The following NVL variants were observed in gnomAD, a reference collection of about 807,000 sequenced individuals.
NVL encodes nuclear VCP like, also known as nuclear valosin-containing protein-like.
NVL carries 84 observed loss-of-function variants against 110.2 expected under a neutral mutation model. The ratio of observed to expected loss-of-function variants is 0.76; its 90% confidence interval spans 0.64 to 0.91. The LOEUF (loss-of-function observed/expected upper bound fraction) is 0.91, where lower values mean the gene tolerates loss of function less well. Ranked by LOEUF, NVL falls within the 40% of genes least tolerant of loss-of-function variation. The probability of loss-of-function intolerance (pLI) is 0.00; values close to 1 mark genes in which losing one functional copy is unlikely to be tolerated. For synonymous variants in NVL, 354 were observed against 361.1 expected, an observed-to-expected ratio of 0.98 and a Z score of 0.22; for missense variants, 882 against 1,035.9, an observed-to-expected ratio of 0.85 and a Z score of 2.04.
intron 17 of NVL, among the ~76,000 whole-genome samples, chr1:224,274,956 G>C (rs1159810983): frequency 6.6e-6 from 1 of 152,094 alleles, no homozygotes; most frequent in Non-Finnish European, 1.5e-5. Flanking sequence ...TTAATAACCT[G>C]ACCCTATTTT....
intron 1 of NVL, 49 bp downstream of exon 1, chr1:224,330,022 G>A (rs1271018972): frequency 6.3e-7 from 1 of 1,587,852 alleles, no homozygotes; most frequent in Admixed American, 1.7e-5. Flanking sequence ...TGGCACCCTG[G>A]GGCAGCGATC....
chr1:224,310,292 A>G (rs547745892), intron 5 of NVL, among the ~76,000 whole-genome samples: 1 of 152,244 alleles, frequency 6.6e-6, no homozygotes, highest in Non-Finnish European at 1.5e-5. Context: ...GAGGATGTAT[A>G]TAACGTTATA....
rs181038026 is a variant in NVL at position 224,296,917 on chromosome 1, T to C, written c.1063-299A>G. ...TCTTTTGTAAATTAGATACATTTGC[T>C]ATGCTATGAAACAGAAACAATGATT... On this transcript the variant is annotated intron_variant, in intron 10 of 22. Coordinates refer to ENST00000281701, the MANE Select transcript of NVL (RefSeq NM_002533.4). Among the ~76,000 whole-genome samples the C allele has an allele frequency of 5.1e-4, 77 of 152,286 alleles. 1 individual carries two copies. The highest frequency in any genetic ancestry group is 1.8e-3 in the African/African-American group (74 of 41,568).
intron 22 of NVL, among the ~76,000 whole-genome samples, chr1:224,228,239 A>T (rs1030344567): frequency 6.6e-6 from 1 of 152,096 alleles, no homozygotes; most frequent in African/African-American, 2.4e-5. Flanking sequence ...ATGTCTATCT[A>T]ATTAGTGAAG....
chr1:224,255,818 C>A (rs1032535698), intron 18 of NVL, among the ~76,000 whole-genome samples: 4 of 152,200 alleles, frequency 2.6e-5, no homozygotes, highest in Admixed American at 2.6e-4. Flanking sequence ...AAAAAAATTT[C>A]TCCAGTGTTT....
intron 16 of NVL, among the ~76,000 whole-genome samples, 182 bp from the exon 17 acceptor site, chr1:224,275,640 A>G (rs551596026): frequency 6.6e-6 from 1 of 152,342 alleles, no homozygotes; most frequent in Admixed American, 6.5e-5. Context: ...AGCCAACTGC[A>G]TATAGTTCAA....
chr1:224,289,387 G>T, intron 13 of NVL, 97 bp downstream of exon 13: 1 of 1,286,508 alleles, frequency 7.8e-7, no homozygotes, highest in Non-Finnish European at 1.1e-6. Flanking sequence ...CAATAAAACA[G>T]AAAGTAATGA....
intron 19 of NVL, among the ~76,000 whole-genome samples, chr1:224,238,424 C>T (rs1352218072): frequency 6.6e-6 from 1 of 152,196 alleles, no homozygotes; most frequent in African/African-American, 2.4e-5. Context: ...AGCTGCCGGC[C>T]TTGTGCACTA....
intron 1 of NVL, among the ~76,000 whole-genome samples, chr1:224,328,032 A>C (rs1258068056): frequency 6.6e-6 from 1 of 152,002 alleles, no homozygotes; most frequent in Non-Finnish European, 1.5e-5. Context: ...GACTCCACTG[A>C]AAGGTTTTGA....
At position 224,296,360 on chromosome 1, in the gene NVL, A is replaced by G. The variant is rs117616414; in HGVS notation, c.1180+141T>C. ...CTCCCAAAGTGTTAGGATTACAGGC[A>G]TGAGCCACTGTGCCCAGTATGACTT... is the stretch of plus-strand genomic sequence containing the variant. On this transcript the variant is annotated intron_variant, in intron 11 of 22. Transcript: ENST00000281701. The G allele has an allele frequency of 4.1e-3, 2,012 of 493,004 alleles. 42 individuals are homozygous for G. The highest frequency in any genetic ancestry group is 0.036 in the East Asian group (1,049 of 29,358). The allele number at this position is 493,004 out of a possible 1,614,324, so 30.5% of individuals were successfully genotyped here.
chr1:224,303,953 G>T, intron 8 of NVL, 96 bp from the exon 9 acceptor site: 1 of 1,337,258 alleles, frequency 7.5e-7, no homozygotes, highest in Middle Eastern at 2.3e-4. Context: ...GGAGTAGATA[G>T]GTAGAATATA....
chr1:224,268,991 G>A (rs1371172881), intron 17 of NVL, among the ~76,000 whole-genome samples: 1 of 150,966 alleles, frequency 6.6e-6, no homozygotes, highest in African/African-American at 2.4e-5. Context: ...AAATTTCCCA[G>A]TATATCAGGT....
intron 18 of NVL, among the ~76,000 whole-genome samples, chr1:224,266,012 T>C (rs1664465463): frequency 6.6e-6 from 1 of 152,326 alleles, no homozygotes; most frequent in East Asian, 1.9e-4. Flanking sequence ...ACTGCACATA[T>C]GACAAGTCAT....
At chr1:224,234,495 G>A (rs573880684) in intron 20 of NVL, among the ~76,000 whole-genome samples, 6 of 149,978 alleles carry the variant, frequency 4.0e-5, no homozygotes, top group Non-Finnish European at 5.9e-5. Context: ...CTCTGTCACC[G>A]AGGCTGGAGT....
At chr1:224,275,535 T>C in intron 16 of NVL, 77 bp from the exon 17 acceptor site, 1 of 1,568,114 alleles carries the variant, frequency 6.4e-7, no homozygotes, top group Non-Finnish European at 8.7e-7. Context: ...TAAACAGTTT[T>C]ATGTGACATA....
In NVL at chr1:224,289,283, AATTT is replaced by A. The variant is rs1667152650; in HGVS notation, c.1575+197_1575+200del. The A allele has an allele frequency of 1.1e-5, 6 of 544,372 alleles. 1 individual carries two copies. The highest frequency in any genetic ancestry group is 1.5e-5 in the Non-Finnish European group (5 of 325,580). 33.7% of individuals were successfully genotyped at this position (544,372 alleles called of 1,614,324 possible). Reference sequence around the variant, plus strand: ...ATTTCATAATCATTATTGTAAAATGAATTTATTAAAATAAACTAAACATAAAACA... The same window carrying A: ...ATTTCATAATCATTATTGTAAAATGAATTAAAATAAACTAAACATAAAACA... On this transcript the variant is annotated intron_variant, in intron 13 of 22. Coordinates refer to ENST00000281701, the MANE Select transcript of NVL (RefSeq NM_002533.4).
intron 13 of NVL, 96 bp downstream of exon 13, chr1:224,289,388 A>G: frequency 7.7e-7 from 1 of 1,296,332 alleles, no homozygotes; most frequent in Non-Finnish European, 1.1e-6. Flanking sequence ...AATAAAACAG[A>G]AAGTAATGAA....
At position 224,287,979 on chromosome 1, in the gene NVL, C is replaced by G. The variant is rs766412688; in HGVS notation, c.1590G>C (p.Arg530Ser). 6.2e-7 allele frequency: 1 copy of G among 1,612,946 alleles called. No individual in the cohort carries two copies. The highest frequency in any genetic ancestry group is 8.5e-7 in the Non-Finnish European group (1 of 1,179,824). Reference sequence around the variant, plus strand: ...CTTGGTCTCTTAGCAACCCCAGCAGCCTTTGTAATTCATCCTTGAAGGGAA... The same window carrying G: ...CTTGGTCTCTTAGCAACCCCAGCAGGCTTTGTAATTCATCCTTGAAGGGAA... ...PTSETQDELQRLLGLLRDQDP... is the reference protein window; with the variant it reads ...PTSETQDELQSLLGLLRDQDP... Residue 530 changes from arginine to serine, a missense_variant, in exon 14 of 23, where the codon AGG becomes AGC. Coordinates refer to ENST00000281701, the MANE Select transcript of NVL (RefSeq NM_002533.4).
At position 224,287,792 on chromosome 1, in the gene NVL, G is replaced by C. The variant is rs1408182002; in HGVS notation, c.1777C>G (p.Leu593Val). The C allele has an allele frequency of 4.3e-6, 7 of 1,613,810 alleles. No individual in the cohort carries two copies. Among genetic ancestry groups the C allele is most frequent in the Non-Finnish European group, 5.9e-6 (7 of 1,179,850 alleles). Residue 593 changes from leucine to valine, a missense_variant, in exon 14 of 23, where the codon CTC becomes GTC. Coordinates refer to ENST00000281701, the MANE Select transcript of NVL (RefSeq NM_002533.4). ...IGALEDIREELTMAILAPVRN... is the reference protein window; with the variant it reads ...IGALEDIREEVTMAILAPVRN... ...ATACCTACCAATATTGCCATGGTGA[G>C]CTCCTCTCTAATGTCTTCCAGGGCA...
Sources: gnomAD v4.1 joint callset for allele counts (sites outside exome capture counted in the v4.1 genomes callset) on GRCh38, gnomAD v4.1.1 for gene constraint, MANE v1.5 for transcripts, NCBI Gene and HGNC (gene_info 2026-07-23, HGNC 2026-07-21) for gene names.